The following SLC2A9 variants were observed in gnomAD, a reference collection of about 807,000 sequenced individuals.
SLC2A9 encodes the protein solute carrier family 2, facilitated glucose transporter member 9.
SLC2A9 carries 39 observed loss-of-function variants against 50.6 expected under a neutral mutation model. The ratio of observed to expected loss-of-function variants is 0.77; its 90% CI spans 0.60 to 1.01. The LOEUF is 1.01. SLC2A9 is among the 50% of genes least tolerant of loss of function. The pLI, the probability that SLC2A9 is intolerant of heterozygous loss-of-function variation, is 0.00. For synonymous variants in SLC2A9, 324 were observed against 276.9 expected, an observed-to-expected ratio of 1.17 and a Z score of -1.69; for missense variants, 686 against 677.6, an observed-to-expected ratio of 1.01 and a Z score of -0.14.
In SLC2A9 at chr4:9,886,402, C is replaced by T. The variant is rs138755756; in HGVS notation, c.1291+1165G>A. Among the ~76,000 whole-genome samples the T allele has an allele frequency of 3.2e-4, 48 of 150,256 alleles. 1 individual carries two copies. In the East Asian group the frequency reaches 4.8e-3, roughly 15 times the overall value. On this transcript the variant is annotated intron_variant, in intron 10 of 11. Coordinates refer to ENST00000264784, the MANE Select transcript of SLC2A9 (RefSeq NM_020041.3). ...GTGCTTGCTTTCTTTTTCTTGCAGC[C>T]GTTCTGACCACCCTCATAGCACTGT...
intron 10 of SLC2A9, among the ~76,000 whole-genome samples, chr4:9,853,329 A>T (rs1411698117): frequency 8.9e-6 from 1 of 112,396 alleles, no homozygotes; most frequent in Non-Finnish European, 1.7e-5. Context: ...AATGGAAAAC[A>T]GAAAAAAATC....
intron 10 of SLC2A9, among the ~76,000 whole-genome samples, chr4:9,842,010 T>C (rs1242454279): frequency 6.6e-6 from 1 of 152,240 alleles, no homozygotes; most frequent in African/African-American, 2.4e-5. Context: ...CAGAATCTCC[T>C]ATGCTAGAAT....
chr4:9,957,658 A>AG (rs1751533394), intron 5 of SLC2A9, among the ~76,000 whole-genome samples: 2 of 152,120 alleles, frequency 1.3e-5, no homozygotes, highest in Non-Finnish European at 2.9e-5. Flanking sequence ...GAACGGGGAC[A>AG]GGGGGAAAGC....
chr4:9,882,581 C>T (rs187002099), intron 10 of SLC2A9, among the ~76,000 whole-genome samples: 1 of 152,048 alleles, frequency 6.6e-6, no homozygotes, highest in African/African-American at 2.4e-5. Flanking sequence ...TGATGGTGGA[C>T]GCCTGCAGTC....
intron 3 of SLC2A9, among the ~76,000 whole-genome samples, chr4:9,992,959 T>C (rs17246745): frequency 0.45 from 68,341 of 152,058 alleles, 16,827 homozygotes; most frequent in South Asian, 0.59. Flanking sequence ...GCCTCTTGTA[T>C]CTCTACCATC....
At chr4:9,821,975 A>G (rs1724465633), downstream of SLC2A9, among the ~76,000 whole-genome samples, 1 of 152,170 alleles carries the variant, frequency 6.6e-6, no homozygotes, top group Non-Finnish European at 1.5e-5. Context: ...TCTTTTGAAA[A>G]TTTATCTATT....
rs61538689 is a variant in SLC2A9, at chr4:9,931,962, C to CTATATATATA, written c.814+9941_814+9950dup. Among the ~76,000 whole-genome samples the CTATATATATA allele has an allele frequency of 5.4e-3, 79 of 14,574 alleles. 1 individual carries two copies. Among genetic ancestry groups the CTATATATATA allele is most frequent in the South Asian group, 0.014 (4 of 288 alleles). 9.6% of individuals were successfully genotyped at this position (14,574 alleles called of 152,430 possible). A position where few individuals can be genotyped will look rare whatever the true frequency, so the allele number is the denominator to read the frequency against. On this transcript the variant is annotated intron_variant, in intron 6 of 11. Transcript: ENST00000264784. Reference sequence around the variant, plus strand: ...TCTCTCTCTCTCTCTCTCTCTCTCTCTATATATATATATATATATATATAT... The same window carrying CTATATATATA: ...TCTCTCTCTCTCTCTCTCTCTCTCTCTATATATATATATATATATATATATATATATATAT...
At chr4:9,892,469 C>T (rs1737681540) in intron 8 of SLC2A9, among the ~76,000 whole-genome samples, 1 of 152,180 alleles carries the variant, frequency 6.6e-6, no homozygotes, top group African/African-American at 2.4e-5. Context: ...CCCAGTGGAA[C>T]AGAGCACAGG....
At chr4:9,968,959 T>C (rs1249276059) in intron 5 of SLC2A9, among the ~76,000 whole-genome samples, 2 of 152,206 alleles carry the variant, frequency 1.3e-5, no homozygotes, top group East Asian at 1.9e-4. Flanking sequence ...TAAATGACTA[T>C]CACACAGTGC....
chr4:10,002,648 T>A (rs1004383687), intron 2 of SLC2A9, among the ~76,000 whole-genome samples: 1 of 152,006 alleles, frequency 6.6e-6, no homozygotes, highest in Non-Finnish European at 1.5e-5. Flanking sequence ...AGGTTAGGAG[T>A]TTGAGACTAG....
chr4:9,913,781 A>G (rs1742348382), intron 7 of SLC2A9, among the ~76,000 whole-genome samples: 1 of 152,206 alleles, frequency 6.6e-6, no homozygotes, highest in African/African-American at 2.4e-5. Context: ...GGCTGGGTCT[A>G]GCATCTTAAA....
chr4:10,010,760 GC>G (rs1376575994), intron 2 of SLC2A9, among the ~76,000 whole-genome samples: 10 of 152,178 alleles, frequency 6.6e-5, no homozygotes, highest in Middle Eastern at 3.2e-3. Context: ...CTTTTGATTA[GC>G]CCTGAACTGT....
At chr4:9,785,690 G>A (rs1577273327) in intron 3 of SLC2A9, among the ~76,000 whole-genome samples, 1 of 152,198 alleles carries the variant, frequency 6.6e-6, no homozygotes, top group East Asian at 1.9e-4. Context: ...TAGGTACTAT[G>A]CTCTAGGCAT....
intron 8 of SLC2A9, among the ~76,000 whole-genome samples, chr4:9,891,921 G>T (rs1311652538): frequency 6.6e-6 from 1 of 152,232 alleles, no homozygotes; most frequent in Non-Finnish European, 1.5e-5. Flanking sequence ...CATGGCTCCT[G>T]CCTGCCAGCT....
At chr4:10,010,423 G>C (rs1186870214) in intron 2 of SLC2A9, among the ~76,000 whole-genome samples, 1 of 152,166 alleles carries the variant, frequency 6.6e-6, no homozygotes, top group Non-Finnish European at 1.5e-5. Context: ...CAAACCAGAA[G>C]GGGTAGTGAG....
intron 10 of SLC2A9, among the ~76,000 whole-genome samples, chr4:9,887,305 C>A (rs754068080): frequency 6.6e-6 from 1 of 152,252 alleles, no homozygotes; most frequent in Non-Finnish European, 1.5e-5. Flanking sequence ...CAGAGCCCTC[C>A]CGCGTATGAA....
chr4:9,980,488 C>A, intron 5 of SLC2A9, 104 bp downstream of exon 5: 2 of 1,525,782 alleles, frequency 1.3e-6, no homozygotes, highest in South Asian at 2.3e-5. Context: ...GCTTGAATAC[C>A]AGAAATTGCA....
At chr4:9,954,992 C>CA (rs1750962800) in intron 5 of SLC2A9, among the ~76,000 whole-genome samples, 1 of 152,266 alleles carries the variant, frequency 6.6e-6, no homozygotes, top group African/African-American at 2.4e-5. Context: ...GGCAAAATGG[C>CA]AGAGTTTACC....
intron 4 of SLC2A9, among the ~76,000 whole-genome samples, chr4:9,981,679 C>T (rs962619870): frequency 1.3e-5 from 2 of 152,006 alleles, no homozygotes; most frequent in African/African-American, 2.4e-5. Context: ...TATGGGACTC[C>T]GTTATGGCAG....
Sources: allele counts gnomAD v4.1 joint callset (sites outside exome capture counted in the v4.1 genomes callset), GRCh38; gene constraint gnomAD v4.1.1; transcripts MANE v1.5; gene names NCBI Gene and HGNC (gene_info 2026-07-23, HGNC 2026-07-21).